PCGF3: variants seen among roughly 807,000 people sequenced by gnomAD.
PCGF3 encodes polycomb group ring finger 3, also known as polycomb group RING finger protein 3.
A neutral mutation model predicts 33.1 loss-of-function variants in PCGF3; 7 were observed. That is an observed-to-expected ratio of 0.21 (90% CI 0.12 to 0.40). The LOEUF is 0.40. Ranked by LOEUF, PCGF3 falls within the 10% of genes least tolerant of loss-of-function variation. The pLI, the probability that PCGF3 is intolerant of heterozygous loss-of-function variation, is 1.00. For synonymous variants in PCGF3, 153 were observed against 121.3 expected (o/e 1.26, Z -1.72); for missense variants, 211 against 313.3 (o/e 0.67, Z 2.46).
At chr4:764,723 C>T (rs1279445253) in intron 9 of PCGF3, 1 of 390,122 alleles carries the variant, frequency 2.6e-6, no homozygotes, top group African/African-American at 2.1e-5. Flanking sequence ...AACGTCATCC[C>T]CCTAACTGGC....
intron 1 of PCGF3, among the ~76,000 whole-genome samples, chr4:718,247 C>CG (rs1236321507): frequency 1.3e-5 from 2 of 151,882 alleles, no homozygotes; most frequent in Admixed American, 6.6e-5. Context: ...AACGTGGAGT[C>CG]GGGGGGTCTG....
chr4:749,006 G>C (rs967239870), intron 8 of PCGF3, among the ~76,000 whole-genome samples: 1 of 152,110 alleles, frequency 6.6e-6, no homozygotes, highest in African/African-American at 2.4e-5. Flanking sequence ...AGCTGTGTGT[G>C]ATGTCCTCCT....
intron 1 of PCGF3, among the ~76,000 whole-genome samples, chr4:706,531 A>G (rs1307469366): frequency 1.4e-5 from 2 of 144,254 alleles, no homozygotes; most frequent in African/African-American, 5.2e-5. Flanking sequence ...CCAAGACCCC[A>G]GACCAGGCAG....
intron 8 of PCGF3, among the ~76,000 whole-genome samples, chr4:752,763 C>T (rs921851044): frequency 7.9e-5 from 12 of 152,232 alleles, no homozygotes; most frequent in African/African-American, 1.2e-4. Flanking sequence ...GCTGGGCAGA[C>T]GGGAGGGGCC....
intron 1 of PCGF3, among the ~76,000 whole-genome samples, chr4:724,187 C>T (rs986504513): frequency 5.9e-5 from 9 of 152,218 alleles, no homozygotes; most frequent in East Asian, 1.9e-4. Flanking sequence ...GTCAGGCCCA[C>T]GTGGCCTTGG....
intron 1 of PCGF3, among the ~76,000 whole-genome samples, chr4:717,517 C>G (rs1052784616): frequency 2.0e-5 from 3 of 152,182 alleles, no homozygotes; most frequent in African/African-American, 7.2e-5. Context: ...GTAGCTGGGA[C>G]TGCAGGTGCT....
At chr4:754,821 G>A (rs1744696351) in intron 8 of PCGF3, among the ~76,000 whole-genome samples, 2 of 152,240 alleles carry the variant, frequency 1.3e-5, no homozygotes, top group African/African-American at 4.8e-5. Context: ...GGGTGGCCAT[G>A]CGGAGACCAG....
intron 8 of PCGF3, among the ~76,000 whole-genome samples, 153 bp downstream of exon 8, chr4:744,841 G>T (rs35483187): frequency 4.6e-3 from 46 of 10,084 alleles, no homozygotes; most frequent in Middle Eastern, 0.062. Context: ...GTTAGTGTTC[G>T]CCGTGGAGGC....
At position 731,122 on chromosome 4, in the gene PCGF3, GC is replaced by G; in HGVS notation, c.-10+18del. 1 of 398,564 alleles carries G rather than the reference GC, an allele frequency of 2.5e-6. No individual in the cohort carries two copies. Among genetic ancestry groups the G allele is most frequent in the Non-Finnish European group, 4.4e-6 (1 of 225,984 alleles). The allele number at this position is 398,564 out of a possible 1,614,324, so 24.7% of individuals were successfully genotyped here. ...GACGTCTAGCGGAGGTGAGGCCCAC[GC>G]CCCCCGACCCCGGGGGTCCTGCTGA... is the stretch of plus-strand genomic sequence containing the variant. On this transcript the variant is annotated intron_variant, in intron 3 of 10. Transcript: ENST00000362003.
chr4:714,452 C>T (rs1212084451), intron 1 of PCGF3, among the ~76,000 whole-genome samples: 1 of 152,256 alleles, frequency 6.6e-6, no homozygotes, highest in Non-Finnish European at 1.5e-5. Flanking sequence ...GGCCCCCACA[C>T]CGCTACAACC....
chr4:729,549 C>T lies in PCGF3; in HGVS notation c.-189-1081C>T, dbSNP rs751128076. On this transcript the variant is annotated intron_variant, in intron 1 of 10. Coordinates refer to ENST00000362003, the Ensembl canonical transcript of PCGF3. ...GGAGATGTGGAAGCCCCCAGTGTTG[C>T]AGAATATTCCGGAAGCCTGGCTTTG... Among the ~76,000 whole-genome samples the T allele has an allele frequency of 5.1e-4, 77 of 152,316 alleles. 1 individual carries two copies. Among genetic ancestry groups the T allele is most frequent in the Non-Finnish European group, 1.0e-3 (70 of 68,036 alleles).
chr4:742,460 C>A (rs1038773967), intron 6 of PCGF3, among the ~76,000 whole-genome samples: 18 of 152,344 alleles, frequency 1.2e-4, no homozygotes, highest in Admixed American at 2.0e-4. Flanking sequence ...GTAGCACATA[C>A]GTTACTTTTC....
chr4:760,685 G>A (rs756807834), intron 8 of PCGF3, among the ~76,000 whole-genome samples: 7 of 152,224 alleles, frequency 4.6e-5, no homozygotes, highest in Non-Finnish European at 8.8e-5. Context: ...CATCTTGGGG[G>A]CCAAGCCGGC....
intron 6 of PCGF3, among the ~76,000 whole-genome samples, chr4:738,573 G>C (rs570143155): frequency 4.4e-4 from 66 of 151,518 alleles, no homozygotes; most frequent in Non-Finnish European, 7.4e-4. Flanking sequence ...TTTGTGGCCG[G>C]GTGCAGTGGC....
intron 8 of PCGF3, among the ~76,000 whole-genome samples, chr4:753,293 C>T (rs1744608282): frequency 1.3e-5 from 2 of 152,214 alleles, no homozygotes; most frequent in South Asian, 2.1e-4. Flanking sequence ...AAGTGCTTCT[C>T]CCAACTCAGC....
At chr4:738,576 G>A (rs1352680311) in intron 6 of PCGF3, among the ~76,000 whole-genome samples, 1 of 151,736 alleles carries the variant, frequency 6.6e-6, no homozygotes, top group Non-Finnish European at 1.5e-5. Flanking sequence ...GTGGCCGGGT[G>A]CAGTGGCTCA....
chr4:756,691 A>G (rs766157678), intron 8 of PCGF3, among the ~76,000 whole-genome samples: 2 of 152,174 alleles, frequency 1.3e-5, no homozygotes, highest in African/African-American at 2.4e-5. Context: ...CCTTGGGTAC[A>G]GACCCAGTGT....
intron 8 of PCGF3, among the ~76,000 whole-genome samples, chr4:751,447 C>T (rs929523586): frequency 9.2e-5 from 14 of 152,272 alleles, no homozygotes; most frequent in Admixed American, 9.2e-4. Context: ...TGCTTCGCCA[C>T]GTCCGCACGT....
chr4:716,331 G>A (rs541348559), intron 1 of PCGF3, among the ~76,000 whole-genome samples: 2 of 135,234 alleles, frequency 1.5e-5, no homozygotes, highest in African/African-American at 5.7e-5. Context: ...TGGACACTGC[G>A]AGTGTGAGAA....
Sources: gnomAD v4.1 joint callset for allele counts (sites outside exome capture counted in the v4.1 genomes callset) on GRCh38, gnomAD v4.1.1 for gene constraint, MANE v1.5 for transcripts, NCBI Gene and HGNC (gene_info 2026-07-23, HGNC 2026-07-21) for gene names.